Variants in APTX observed in about 807,000 individuals in gnomAD.
APTX encodes forkhead-associated domain histidine triad-like protein.
A neutral mutation model predicts 42.3 loss-of-function variants in APTX; 33 were observed. The observed-to-expected ratio is 0.78, with a 90% CI of 0.59 to 1.04. The LOEUF (loss-of-function observed/expected upper bound fraction) is 1.04. Ranked by LOEUF, APTX falls within the 50% of genes least tolerant of loss-of-function variation. The probability of loss-of-function intolerance (pLI) is 0.00; values close to 1 mark genes in which losing one functional copy is unlikely to be tolerated. For synonymous variants in APTX, 130 were observed against 146.7 expected (o/e 0.89, Z 0.82); for missense variants, 421 against 415.1 (o/e 1.01, Z -0.12).
Position 32,973,053 on chromosome 9 carries a change from A to C in APTX, c.*445T>G. The C allele has an allele frequency of 2.2e-6, 1 of 454,552 alleles. No individual in the cohort carries two copies. The highest frequency in any genetic ancestry group is 4.4e-6 in the Non-Finnish European group (1 of 227,090). 28.2% of individuals were successfully genotyped at this position (454,552 alleles called of 1,614,324 possible). A position where few individuals can be genotyped will look rare whatever the true frequency, so the allele number is the denominator to read the frequency against. The stretch of plus-strand genomic sequence containing the variant: ...AATATTACAAAACAGACTAACAGAA[A>C]ACAAGACCCATCAGTATCTTCAGGA... On this transcript the variant is annotated 3_prime_UTR_variant, in exon 8 of 8. Transcript: ENST00000379817.
intron 1 of APTX, among the ~76,000 whole-genome samples, chr9:33,008,851 T>G (rs1195357088): frequency 6.6e-6 from 1 of 150,908 alleles, no homozygotes; most frequent in African/African-American, 2.4e-5. Flanking sequence ...CGCGTTGGCC[T>G]GATTGATTTT....
chr9:33,012,704 G>A (rs918623256), intron 1 of APTX, among the ~76,000 whole-genome samples: 5 of 152,166 alleles, frequency 3.3e-5, no homozygotes, highest in African/African-American at 9.7e-5. Flanking sequence ...ACACAGAACA[G>A]AGATGCACTA....
At chr9:32,977,311 C>T (rs1008745848) in intron 6 of APTX, among the ~76,000 whole-genome samples, 1 of 151,478 alleles carries the variant, frequency 6.6e-6, no homozygotes, top group African/African-American at 2.4e-5. Context: ...CATAGTGAGA[C>T]CCTCATCTCT....
At chr9:33,009,932 T>C (rs1388494233) in intron 1 of APTX, among the ~76,000 whole-genome samples, 1 of 152,172 alleles carries the variant, frequency 6.6e-6, no homozygotes, top group Admixed American at 6.5e-5. Context: ...TTTACAGAAG[T>C]TCTTGTCCAT....
At chr9:32,999,121 T>G (rs1835657236) in intron 1 of APTX, among the ~76,000 whole-genome samples, 1 of 152,136 alleles carries the variant, frequency 6.6e-6, no homozygotes, top group African/African-American at 2.4e-5. Context: ...CTGAGAGCAC[T>G]GACACGTAAA....
intron 1 of APTX, among the ~76,000 whole-genome samples, chr9:33,007,889 A>G (rs1035968576): frequency 6.7e-6 from 1 of 149,158 alleles, no homozygotes; most frequent in Non-Finnish European, 1.5e-5. Context: ...CCAGAGGGGT[A>G]CTCTGCCTAT....
At chr9:33,007,600 A>G (rs1209886262) in intron 1 of APTX, among the ~76,000 whole-genome samples, 1 of 152,168 alleles carries the variant, frequency 6.6e-6, no homozygotes, top group Admixed American at 6.5e-5. Flanking sequence ...CCAAATCATA[A>G]AAGTTATTTA....
chr9:32,976,655 G>C (rs780160780), intron 6 of APTX, among the ~76,000 whole-genome samples: 2 of 152,116 alleles, frequency 1.3e-5, no homozygotes, highest in African/African-American at 4.8e-5. Context: ...TTCTTCCTAT[G>C]AGGGAAAAAA....
At chr9:33,002,687 AGTGAGCTCT>A (rs1464106949), upstream of APTX, among the ~76,000 whole-genome samples, 1 of 152,226 alleles carries the variant, frequency 6.6e-6, no homozygotes, top group South Asian at 2.1e-4. Context: ...ACCCCGTTGC[AGTGAGCTCT>A]ATATACCTAT....
intron 6 of APTX, among the ~76,000 whole-genome samples, chr9:32,984,371 T>G (rs959516606): frequency 2.0e-5 from 3 of 152,212 alleles, no homozygotes; most frequent in African/African-American, 7.2e-5. Context: ...CTTCATCTAG[T>G]TCATATATTA....
chr9:33,016,636 TAACTTA>T (rs1333319598), intron 1 of APTX, among the ~76,000 whole-genome samples: 13 of 151,962 alleles, frequency 8.6e-5, no homozygotes, highest in African/African-American at 3.1e-4. Context: ...TGTGGACTTT[TAACTTA>T]GAGTGACTAA....
chr9:33,020,056 C>CA (rs1838249929), intron 1 of APTX: 2 of 393,868 alleles, frequency 5.1e-6, no homozygotes, highest in African/African-American at 4.1e-5. Context: ...GGTGTCCGCG[C>CA]CCCCGGGGCA....
chr9:33,017,506 C>CTA (rs377605620), intron 1 of APTX, among the ~76,000 whole-genome samples: 10,683 of 152,130 alleles, frequency 0.07, 500 homozygotes, highest in Non-Finnish European at 0.11. Context: ...AATCCCATGA[C>CTA]GTAGTCACTT....
intron 6 of APTX, among the ~76,000 whole-genome samples, chr9:32,974,826 G>A (rs1260350014): frequency 6.6e-6 from 1 of 152,060 alleles, no homozygotes; most frequent in Non-Finnish European, 1.5e-5. Context: ...AAAAGCCTCT[G>A]CCCTTATAGA....
At chr9:33,011,613 C>G (rs1027599885) in intron 1 of APTX, among the ~76,000 whole-genome samples, 1 of 152,142 alleles carries the variant, frequency 6.6e-6, no homozygotes, top group Non-Finnish European at 1.5e-5. Context: ...AAAGGTTACT[C>G]TAATTATTTT....
intron 1 of APTX, among the ~76,000 whole-genome samples, chr9:33,013,190 C>T (rs1295814038): frequency 6.6e-6 from 1 of 151,368 alleles, no homozygotes; most frequent in Non-Finnish European, 1.5e-5. Flanking sequence ...TATGTGGATA[C>T]TCTTCTGCAC....
upstream of APTX, among the ~76,000 whole-genome samples, chr9:33,006,425 T>G (rs148644810): frequency 3.3e-5 from 5 of 152,260 alleles, no homozygotes; most frequent in East Asian, 9.6e-4. Context: ...TTATATAACC[T>G]GTCTGGCCCC....
Position 32,973,470 on chromosome 9 carries a change from C to A in APTX, c.*28G>T. ...CAGCAGTTTGCTCCAGTGGGCCACA[C>A]CACAGCAGCAGCTCAGGCTCTGCAG... On this transcript the variant is annotated 3_prime_UTR_variant, in exon 8 of 8. Coordinates refer to ENST00000379817, the MANE Select transcript of APTX (RefSeq NM_001195248.2). 1 of 1,613,364 alleles carries A rather than the reference C, an allele frequency of 6.2e-7. No homozygotes were observed. Among genetic ancestry groups the A allele is most frequent in the Non-Finnish European group, 8.5e-7 (1 of 1,179,890 alleles).
chr9:32,988,783 C>A (rs1832841697), intron 2 of APTX, among the ~76,000 whole-genome samples: 1 of 145,850 alleles, frequency 6.9e-6, no homozygotes, highest in Non-Finnish European at 1.5e-5. Flanking sequence ...GGAAAAACAA[C>A]AACTATTAGA....
Sources: gnomAD v4.1 joint callset for allele counts (sites outside exome capture counted in the v4.1 genomes callset) on GRCh38, gnomAD v4.1.1 for gene constraint, MANE v1.5 for transcripts, NCBI Gene and HGNC (gene_info 2026-07-23, HGNC 2026-07-21) for gene names.